CA10: variants seen among roughly 807,000 people sequenced by gnomAD.
CA10 encodes the protein carbonic anhydrase-related protein 10.
Under a neutral mutation model 44.2 loss-of-function variants are expected in CA10, and 14 were observed. The ratio of observed to expected loss-of-function variants is 0.32; its 90% CI spans 0.21 to 0.50. The LOEUF (loss-of-function observed/expected upper bound fraction) is 0.50. CA10 is among the 20% of genes least tolerant of loss of function. The probability of loss-of-function intolerance (pLI) is 0.99; values close to 1 mark genes in which losing one functional copy is unlikely to be tolerated. For synonymous variants in CA10, 159 were observed against 141.6 expected, an observed-to-expected ratio of 1.12 and a Z score of -0.87; for missense variants, 350 against 409.7, an observed-to-expected ratio of 0.85 and a Z score of 1.26.
rs993215217 is a variant in CA10 at position 51,976,599 on chromosome 17, A to G, written c.137-45467T>C. Among the ~76,000 whole-genome samples, 8 of 126,902 alleles carry G rather than the reference A, an allele frequency of 6.3e-5. No individual in the cohort carries two copies. The East Asian group carries it at 2.2e-3, about 35-fold the overall frequency. 83.3% of individuals were successfully genotyped at this position (126,902 alleles called of 152,430 possible). On this transcript the variant is annotated intron_variant, in intron 2 of 8. Transcript: ENST00000451037. Reference sequence around the variant, plus strand: ...ATTAAAATTTGTAGAATGCAGTTAAAGCAGTTCGTCTGGGGGAAATTTATA... The same window carrying G: ...ATTAAAATTTGTAGAATGCAGTTAAGGCAGTTCGTCTGGGGGAAATTTATA...
intron 1 of CA10, among the ~76,000 whole-genome samples, chr17:52,083,244 C>G (rs1286044467): frequency 6.6e-6 from 1 of 150,976 alleles, no homozygotes; most frequent in Non-Finnish European, 1.5e-5. Context: ...TTGTATCTCT[C>G]TTAAGCTTGA....
intron 3 of CA10, among the ~76,000 whole-genome samples, chr17:51,918,433 A>G (rs1982089904): frequency 1.3e-5 from 2 of 152,214 alleles, no homozygotes; most frequent in South Asian, 2.1e-4. Context: ...GGCAGATGAG[A>G]TGCTGCTAGT....
chr17:52,025,711 G>C (rs1487129742), intron 2 of CA10, among the ~76,000 whole-genome samples: 1 of 152,106 alleles, frequency 6.6e-6, no homozygotes, highest in South Asian at 2.1e-4. Flanking sequence ...TTTAACTTAA[G>C]ATATTTTTGA....
chr17:52,134,107 C>A (rs145268405), intron 1 of CA10, among the ~76,000 whole-genome samples: 1 of 152,186 alleles, frequency 6.6e-6, no homozygotes, highest in African/African-American at 2.4e-5. Context: ...TCACTCTATA[C>A]GTTATTAATC....
At chr17:51,952,747 A>G (rs1983532319) in intron 2 of CA10, among the ~76,000 whole-genome samples, 1 of 152,186 alleles carries the variant, frequency 6.6e-6, no homozygotes, top group African/African-American at 2.4e-5. Context: ...AGCAATAGCA[A>G]CATAGACTCA....
At chr17:52,125,950 T>C (rs1266499880) in intron 1 of CA10, among the ~76,000 whole-genome samples, 1 of 152,174 alleles carries the variant, frequency 6.6e-6, no homozygotes, top group African/African-American at 2.4e-5. Context: ...ATTCATTCAT[T>C]CTTTCAACAG....
At chr17:51,870,946 G>A (rs2143860842) in intron 3 of CA10, among the ~76,000 whole-genome samples, 1 of 152,068 alleles carries the variant, frequency 6.6e-6, no homozygotes, top group Admixed American at 6.6e-5. Context: ...TCAGATCATG[G>A]GGTGAAAATG....
Position 52,019,337 on chromosome 17 carries a change from A to G in CA10, c.136+52982T>C, listed in dbSNP as rs539121921. ...TATATATTTTAATGAAATATAGTGTAGCCATTTACATTAATTTGTACATTG... is the reference window on the plus strand; with the variant it reads ...TATATATTTTAATGAAATATAGTGTGGCCATTTACATTAATTTGTACATTG... On this transcript the variant is annotated intron_variant, in intron 2 of 8. Transcript: ENST00000451037. Among the ~76,000 whole-genome samples the G allele has an allele frequency of 3.3e-5, 5 of 152,234 alleles. No homozygotes were observed. In the South Asian group the frequency reaches 1.0e-3, roughly 32 times the overall value.
intron 2 of CA10, among the ~76,000 whole-genome samples, chr17:51,957,972 AAAAT>A (rs1983729917): frequency 6.6e-6 from 1 of 151,764 alleles, no homozygotes. Context: ...CTGCCTCTGT[AAAAT>A]ACAGCACTCA....
chr17:51,831,865 G>A (rs914380401), intron 3 of CA10, among the ~76,000 whole-genome samples: 3 of 152,090 alleles, frequency 2.0e-5, no homozygotes, highest in African/African-American at 7.3e-5. Context: ...TTTATTACAG[G>A]GGGCAAAGAC....
chr17:51,705,740 G>C (rs894585346), intron 4 of CA10, among the ~76,000 whole-genome samples: 8 of 152,132 alleles, frequency 5.3e-5, no homozygotes, highest in Non-Finnish European at 7.3e-5. Flanking sequence ...ACCTTAAGGG[G>C]GAGGACCCTT....
At chr17:51,861,791 C>T (rs933702346) in intron 3 of CA10, among the ~76,000 whole-genome samples, 3 of 152,044 alleles carry the variant, frequency 2.0e-5, no homozygotes, top group African/African-American at 4.8e-5. Flanking sequence ...AATACATACA[C>T]AGAAAATAAG....
chr17:52,048,645 A>C (rs1401066699), intron 2 of CA10, among the ~76,000 whole-genome samples: 1 of 152,024 alleles, frequency 6.6e-6, no homozygotes, highest in East Asian at 2.0e-4. Context: ...AGGAGCCCTC[A>C]GGGTGGGGTA....
intron 3 of CA10, among the ~76,000 whole-genome samples, chr17:51,764,386 A>G (rs923100310): frequency 3.3e-5 from 5 of 152,182 alleles, no homozygotes; most frequent in Non-Finnish European, 5.9e-5. Flanking sequence ...ACACATAAAC[A>G]TAGCTTTGTA....
chr17:51,937,916 C>A (rs1456205550), intron 2 of CA10, among the ~76,000 whole-genome samples: 1 of 152,048 alleles, frequency 6.6e-6, no homozygotes, highest in Non-Finnish European at 1.5e-5. Context: ...CTAGTTAAAA[C>A]ATTGAATCAT....
chr17:51,726,622 C>T (rs1239024881), intron 4 of CA10, among the ~76,000 whole-genome samples: 1 of 152,162 alleles, frequency 6.6e-6, no homozygotes, highest in Non-Finnish European at 1.5e-5. Flanking sequence ...CATTATCTGT[C>T]TATACTTAAT....
At position 51,726,333 on chromosome 17, in the gene CA10, G is replaced by A. The variant is rs115602572; in HGVS notation, c.465+21300C>T. 4.8e-3 allele frequency among the ~76,000 whole-genome samples: 729 copies of A among 152,272 alleles called. 8 individuals are homozygous for A. Among genetic ancestry groups the A allele is most frequent in the African/African-American group, 0.017 (701 of 41,560 alleles). On this transcript the variant is annotated intron_variant, in intron 4 of 8. Transcript: ENST00000451037. ...TCAAAGGATTCAAAATTTCAGTTTA[G>A]ATAGGAGGAATAAGTTCAAGAGATC...
chr17:52,011,152 G>A (rs1486806000), intron 2 of CA10, among the ~76,000 whole-genome samples: 1 of 151,938 alleles, frequency 6.6e-6, no homozygotes, highest in Non-Finnish European at 1.5e-5. Context: ...ATACTGAAAT[G>A]TATGTACATA....
Position 51,633,785 on chromosome 17 carries a change from T to TC in CA10, c.790-136dup. On this transcript the variant is annotated intron_variant, in intron 7 of 8. Coordinates refer to ENST00000451037, the MANE Select transcript of CA10 (RefSeq NM_020178.5). ...AAAGGGCTGTATAAGCCCCACAGAG[T>TC]CCCTTTTTTCCATGGGTTCAGTTGA... The TC allele has an allele frequency of 3.4e-6, 3 of 877,640 alleles. 1 individual carries two copies. The highest frequency in any genetic ancestry group is 7.2e-4 in the Middle Eastern group (2 of 2,778). 54.4% of individuals were successfully genotyped at this position (877,640 alleles called of 1,614,324 possible). A position where few individuals can be genotyped will look rare whatever the true frequency, so the allele number is the denominator to read the frequency against.
Sources: gnomAD v4.1 joint callset for allele counts (sites outside exome capture counted in the v4.1 genomes callset) on GRCh38, gnomAD v4.1.1 for gene constraint, MANE v1.5 for transcripts, NCBI Gene and HGNC (gene_info 2026-07-23, HGNC 2026-07-21) for gene names.